DNAI1: variants seen among roughly 807,000 people sequenced by gnomAD.
DNAI1 encodes dynein axonemal intermediate chain 1, also known as dynein, axonemal, intermediate polypeptide 1.
A neutral mutation model predicts 92.0 loss-of-function variants in DNAI1; 67 were observed. That is an observed-to-expected ratio of 0.73 (90% confidence interval 0.60 to 0.89). The LOEUF (loss-of-function observed/expected upper bound fraction) is 0.89. DNAI1 is among the 40% of genes least tolerant of loss of function. DNAI1 has a pLI of 0.00. For synonymous variants in DNAI1, 323 were observed against 319.6 expected, an observed-to-expected ratio of 1.01 and a Z score of -0.11; for missense variants, 839 against 866.6, an observed-to-expected ratio of 0.97 and a Z score of 0.40.
intron 13 of DNAI1, 31 bp downstream of exon 13, chr9:34,506,905 G>A (rs1484014231): frequency 3.1e-6 from 5 of 1,607,804 alleles, no homozygotes; most frequent in African/African-American, 2.7e-5. Context: ...GGGTGGGGAT[G>A]GGAGCAGCAT....
In DNAI1 at chr9:34,506,726, G is replaced by A. The variant is rs767667443; in HGVS notation, c.1163G>A (p.Cys388Tyr). The A allele has an allele frequency of 3.1e-6, 5 of 1,614,214 alleles. No individual in the cohort carries two copies. Among genetic ancestry groups the A allele is most frequent in the East Asian group, 2.2e-5 (1 of 44,878 alleles). Residue 388 changes from cysteine (C) to tyrosine (Y), a missense_variant, in exon 13 of 20, where the codon TGT (cysteine) becomes TAT (tyrosine). Cys to Tyr is a radical substitution (Grantham distance 194, BLOSUM62 -2). Transcript: ENST00000242317. ...YMFSSNSGVM[C>Y]LDIHVDHPYL... ...TTCAGCAGCAACAGCGGCGTCATGT[G>A]TCTCGACATCCACGTGGACCACCCC...
At chr9:34,483,221 C>T (rs549169249) in intron 1 of DNAI1, among the ~76,000 whole-genome samples, 1 of 152,238 alleles carries the variant, frequency 6.6e-6, no homozygotes, top group Non-Finnish European at 1.5e-5. Flanking sequence ...CAGAAAGGGG[C>T]TCCCACAGTG....
intron 1 of DNAI1, among the ~76,000 whole-genome samples, chr9:34,480,805 G>A (rs530300379): frequency 6.0e-4 from 92 of 152,256 alleles, no homozygotes; most frequent in African/African-American, 2.1e-3. Flanking sequence ...AATAGGCTGG[G>A]TGCAGTGGCT....
chr9:34,492,873 G>A (rs1288749834), intron 8 of DNAI1, among the ~76,000 whole-genome samples: 1 of 151,828 alleles, frequency 6.6e-6, no homozygotes, highest in African/African-American at 2.4e-5. Context: ...ACAAAAATGG[G>A]AACTAGCCTG....
intron 2 of DNAI1, among the ~76,000 whole-genome samples, chr9:34,484,022 C>G (rs567638843): frequency 6.6e-6 from 1 of 151,882 alleles, no homozygotes. Context: ...TCGAGACCAG[C>G]CTGGCCAACA....
intron 1 of DNAI1, among the ~76,000 whole-genome samples, chr9:34,471,342 T>A (rs1436365014): frequency 6.6e-6 from 1 of 151,728 alleles, no homozygotes; most frequent in Non-Finnish European, 1.5e-5. Flanking sequence ...GGAGGGTCGC[T>A]TAAGCCCATG....
intron 4 of DNAI1, 184 bp from the exon 5 acceptor site, chr9:34,489,139 C>A: frequency 1.5e-6 from 1 of 661,362 alleles, no homozygotes; most frequent in Non-Finnish European, 2.6e-6. Flanking sequence ...TTTCATTTGT[C>A]TTCTCTTCCT....
intron 1 of DNAI1, among the ~76,000 whole-genome samples, chr9:34,481,960 C>T (rs1824368800): frequency 6.6e-6 from 1 of 152,246 alleles, no homozygotes; most frequent in African/African-American, 2.4e-5. Context: ...TATCTGGCCC[C>T]ACCCACATCC....
chr9:34,459,955 C>T (rs1157289806), intron 1 of DNAI1, among the ~76,000 whole-genome samples: 5 of 152,158 alleles, frequency 3.3e-5, no homozygotes, highest in Non-Finnish European at 7.4e-5. Flanking sequence ...GGAGAGAGGC[C>T]CTTTTCTCAT....
chr9:34,520,621 A>G (rs1486630974), intron 19 of DNAI1, 37 bp from the exon 20 acceptor site: 2 of 1,540,492 alleles, frequency 1.3e-6, no homozygotes, highest in African/African-American at 1.4e-5. Flanking sequence ...GGGGGGGCCC[A>G]CCATTCCTCC....
intron 15 of DNAI1, among the ~76,000 whole-genome samples, chr9:34,512,764 A>G (rs1470288285): frequency 1.3e-5 from 2 of 152,040 alleles, no homozygotes; most frequent in African/African-American, 4.8e-5. Context: ...TATGCAGACT[A>G]TATCCCTGTT....
At chr9:34,479,575 G>T (rs1031577772) in intron 1 of DNAI1, among the ~76,000 whole-genome samples, 1 of 152,144 alleles carries the variant, frequency 6.6e-6, no homozygotes, top group African/African-American at 2.4e-5. Flanking sequence ...ATATTTACAG[G>T]GGGCAGCGGT....
At chr9:34,490,641 A>G (rs561780420) in intron 7 of DNAI1, among the ~76,000 whole-genome samples, 153 bp downstream of exon 7, 192 of 152,340 alleles carry the variant, frequency 1.3e-3, no homozygotes, top group African/African-American at 4.4e-3. Context: ...AGCTGAGAGC[A>G]TGTGTTCAGG....
chr9:34,514,798 A>C, intron 18 of DNAI1, 59 bp downstream of exon 18: 341 of 1,545,650 alleles, frequency 2.2e-4, no homozygotes, highest in Non-Finnish European at 2.8e-4. Context: ...GTGTTATCTC[A>C]GGGGCTTCCT....
intron 4 of DNAI1, 82 bp downstream of exon 4, chr9:34,485,599 C>T: frequency 7.5e-7 from 1 of 1,335,390 alleles, no homozygotes; most frequent in Non-Finnish European, 1.1e-6. Flanking sequence ...AAAAGCCTCT[C>T]AGTAATTCTA....
At chr9:34,520,474 CCT>C (rs1179893863) in intron 19 of DNAI1, among the ~76,000 whole-genome samples, 182 bp from the exon 20 acceptor site, 7 of 152,136 alleles carry the variant, frequency 4.6e-5, no homozygotes, top group East Asian at 1.9e-4. Context: ...CAGCTGAGCC[CCT>C]GTGTCACCTA....
chr9:34,508,799 C>T (rs959710687), intron 13 of DNAI1, among the ~76,000 whole-genome samples: 3 of 152,214 alleles, frequency 2.0e-5, no homozygotes, highest in African/African-American at 7.2e-5. Flanking sequence ...CCCAAGAAGA[C>T]AGGAACTCAG....
chr9:34,486,640 TA>T (rs1485756694), intron 4 of DNAI1, among the ~76,000 whole-genome samples: 2 of 152,188 alleles, frequency 1.3e-5, no homozygotes, highest in African/African-American at 4.8e-5. Flanking sequence ...TTAATTCATA[TA>T]CTATACAATT....
chr9:34,471,462 A>G (rs1824132651), intron 1 of DNAI1, among the ~76,000 whole-genome samples: 3 of 149,308 alleles, frequency 2.0e-5, no homozygotes, highest in Admixed American at 1.3e-4. Context: ...AAAAAAAAAA[A>G]GAAAAGAAAA....
Sources: gnomAD v4.1 joint callset for allele counts (sites outside exome capture counted in the v4.1 genomes callset) on GRCh38, gnomAD v4.1.1 for gene constraint, MANE v1.5 for transcripts, NCBI Gene and HGNC (gene_info 2026-07-23, HGNC 2026-07-21) for gene names.